The following ADAMTSL1 variants were observed in gnomAD, a reference collection of about 807,000 sequenced individuals.
ADAMTSL1 encodes the protein ADAMTS like 1.
Under a neutral mutation model 201.8 loss-of-function variants are expected in ADAMTSL1, and 126 were observed. That is an observed-to-expected ratio of 0.62 (90% confidence interval 0.54 to 0.72). The LOEUF is 0.72. Among genes scored for constraint, ADAMTSL1 ranks in the 30% least tolerant of loss-of-function variants. ADAMTSL1 has a pLI of 0.00. For missense variants in ADAMTSL1, 2,679 were observed against 2,277.8 expected, an observed-to-expected ratio of 1.18 and a Z score of -3.59; for synonymous variants, 1,121 against 903.4, an observed-to-expected ratio of 1.24 and a Z score of -4.32.
At chr9:18,667,015 A>C (rs897748789) in intron 9 of ADAMTSL1, among the ~76,000 whole-genome samples, 1 of 149,300 alleles carries the variant, frequency 6.7e-6, no homozygotes, top group Non-Finnish European at 1.5e-5. Flanking sequence ...AAGGGGGCTT[A>C]AATTGGCAAG....
At chr9:18,279,140 A>G (rs1261223238) in intron 2 of ADAMTSL1, among the ~76,000 whole-genome samples, 2 of 152,092 alleles carry the variant, frequency 1.3e-5, no homozygotes, top group African/African-American at 4.8e-5. Flanking sequence ...GGATGTTTAC[A>G]GTTGTCCCTC....
chr9:18,904,040 G>A (rs1830154904), intron 26 of ADAMTSL1, among the ~76,000 whole-genome samples: 1 of 151,924 alleles, frequency 6.6e-6, no homozygotes, highest in Non-Finnish European at 1.5e-5. Context: ...CATGATCATG[G>A]TGCACTATAG....
chr9:18,452,847 G>T (rs1456977183), intron 2 of ADAMTSL1, among the ~76,000 whole-genome samples: 1 of 152,222 alleles, frequency 6.6e-6, no homozygotes, highest in East Asian at 1.9e-4. Context: ...ACTTTGCTGG[G>T]CTTAGTCCAC....
intron 1 of ADAMTSL1, among the ~76,000 whole-genome samples, chr9:18,009,744 G>T (rs1485042456): frequency 1.3e-5 from 2 of 151,992 alleles, no homozygotes; most frequent in East Asian, 1.9e-4. Context: ...TAGTGGTAGT[G>T]TGTAAGATCA....
chr9:17,983,600 G>A (rs7860587), intron 1 of ADAMTSL1, among the ~76,000 whole-genome samples: 2,306 of 152,214 alleles, frequency 0.015, 56 homozygotes, highest in African/African-American at 0.053. Flanking sequence ...TTATGTAATT[G>A]ACTAGCCTTG....
intron 2 of ADAMTSL1, among the ~76,000 whole-genome samples, chr9:18,314,548 C>G (rs1295607067): frequency 1.3e-5 from 2 of 150,494 alleles, no homozygotes; most frequent in African/African-American, 2.5e-5. Flanking sequence ...TTCCTCCCGT[C>G]CGCAGTTGTT....
chr9:18,850,262 T>C (rs1304954381), intron 23 of ADAMTSL1, among the ~76,000 whole-genome samples: 1 of 152,228 alleles, frequency 6.6e-6, no homozygotes, highest in Non-Finnish European at 1.5e-5. Context: ...AGGAATGATG[T>C]GAATGAGTTT....
chr9:18,147,451 A>G (rs1226719764), intron 1 of ADAMTSL1, among the ~76,000 whole-genome samples: 1 of 152,130 alleles, frequency 6.6e-6, no homozygotes, highest in Non-Finnish European at 1.5e-5. Flanking sequence ...CTTGGTTTCC[A>G]TCAGCTCATT....
At chr9:17,914,508 G>A (rs1359700733) in intron 1 of ADAMTSL1, among the ~76,000 whole-genome samples, 1 of 152,102 alleles carries the variant, frequency 6.6e-6, no homozygotes, top group Non-Finnish European at 1.5e-5. Flanking sequence ...ATTAGGTGTT[G>A]ATGGGACGTA....
At chr9:18,010,042 C>A (rs981587021) in intron 1 of ADAMTSL1, among the ~76,000 whole-genome samples, 23 of 152,122 alleles carry the variant, frequency 1.5e-4, no homozygotes, top group African/African-American at 5.5e-4. Flanking sequence ...AAGAATAATG[C>A]TTTCTCATCC....
At chr9:18,389,731 T>C (rs571137725) in intron 2 of ADAMTSL1, among the ~76,000 whole-genome samples, 5 of 152,238 alleles carry the variant, frequency 3.3e-5, no homozygotes, top group African/African-American at 1.2e-4. Context: ...GAGTACTTGA[T>C]AAATAAAAAT....
At position 18,290,769 on chromosome 9, in the gene ADAMTSL1, C is replaced by CTTTTTTTT. The variant is rs1345749640; in HGVS notation, c.207+126795_207+126796insTTTTTTTT. Among the ~76,000 whole-genome samples the CTTTTTTTT allele has an allele frequency of 2.1e-4, 17 of 82,718 alleles. No homozygotes were observed. The South Asian group carries it at 6.3e-3, about 31-fold the overall frequency. 54.3% of individuals were successfully genotyped at this position (82,718 alleles called of 152,430 possible). A position where few individuals can be genotyped will look rare whatever the true frequency, so the allele number is the denominator to read the frequency against. The stretch of plus-strand genomic sequence containing the variant: ...GTAAGGGCTCAGGGTTGAAAGCTGG[C>CTTTTTTTT]TTTTTTTGTGTGTTTTTTTTTTTTT... On this transcript the variant is annotated intron_variant, in intron 2 of 29. Coordinates refer to the ADAMTSL1 transcript ENST00000680146.
intron 2 of ADAMTSL1, among the ~76,000 whole-genome samples, chr9:18,372,094 ACTT>A (rs1277165466): frequency 6.6e-6 from 1 of 152,238 alleles, no homozygotes; most frequent in Non-Finnish European, 1.5e-5. Flanking sequence ...CTTCAACTGC[ACTT>A]CCTCAATGAC....
intron 13 of ADAMTSL1, among the ~76,000 whole-genome samples, chr9:18,693,477 G>C (rs1220013161): frequency 6.6e-6 from 1 of 152,108 alleles, no homozygotes; most frequent in Non-Finnish European, 1.5e-5. Flanking sequence ...TTTTCTTATG[G>C]TTTCTATAGC....
chr9:18,755,379 G>C (rs1477922162), intron 16 of ADAMTSL1, among the ~76,000 whole-genome samples: 1 of 152,170 alleles, frequency 6.6e-6, no homozygotes, highest in African/African-American at 2.4e-5. Flanking sequence ...AGGTACATAA[G>C]TTATGGATAA....
intron 1 of ADAMTSL1, among the ~76,000 whole-genome samples, chr9:18,132,088 C>T (rs910698472): frequency 1.3e-5 from 2 of 152,034 alleles, no homozygotes; most frequent in African/African-American, 4.8e-5. Context: ...TCCTTATGTG[C>T]CCTACCAGCC....
intron 1 of ADAMTSL1, among the ~76,000 whole-genome samples, chr9:18,495,801 A>G (rs1345672411): frequency 6.6e-6 from 1 of 152,118 alleles, no homozygotes; most frequent in Non-Finnish European, 1.5e-5. Flanking sequence ...TGGAGAACAG[A>G]AGAAAGTCCC....
chr9:18,196,901 T>TC (rs1032230485), intron 2 of ADAMTSL1, among the ~76,000 whole-genome samples: 41 of 152,042 alleles, frequency 2.7e-4, no homozygotes, highest in African/African-American at 9.9e-4. Flanking sequence ...AAGTGTCCCC[T>TC]CCTCAAAGAA....
At chr9:18,277,732 C>T (rs999289656) in intron 2 of ADAMTSL1, among the ~76,000 whole-genome samples, 1 of 152,190 alleles carries the variant, frequency 6.6e-6, no homozygotes, top group Non-Finnish European at 1.5e-5. Context: ...TTCAGTCATC[C>T]TATGTCTTTT....
Sources: allele counts gnomAD v4.1 joint callset (sites outside exome capture counted in the v4.1 genomes callset), GRCh38; gene constraint gnomAD v4.1.1; transcripts MANE v1.5; gene names NCBI Gene and HGNC (gene_info 2026-07-23, HGNC 2026-07-21).